The following PI15 variants were observed in gnomAD, a reference collection of about 807,000 sequenced individuals.
PI15 encodes the protein 25 kDa trypsin inhibitor.
A neutral mutation model predicts 31.0 loss-of-function variants in PI15; 18 were observed. The observed-to-expected ratio is 0.58, with a 90% CI of 0.40 to 0.86. The LOEUF is 0.86. Ranked by LOEUF, PI15 falls within the 40% of genes least tolerant of loss-of-function variation. PI15 has a pLI of 0.00. For synonymous variants in PI15, 118 were observed against 119.1 expected, an observed-to-expected ratio of 0.99 and a Z score of 0.06; for missense variants, 282 against 328.1, an observed-to-expected ratio of 0.86 and a Z score of 1.09.
chr8:74,830,708 C>CT (rs1304933576), intron 2 of PI15, among the ~76,000 whole-genome samples: 10 of 152,002 alleles, frequency 6.6e-5, no homozygotes, highest in South Asian at 2.1e-4. Context: ...ATGTATATAT[C>CT]TTTTTTTTAA....
In PI15 at chr8:74,853,345, T is replaced by C. The variant is rs1347239; in HGVS notation, c.*4092T>C. The C allele has an allele frequency of 0.43, 66,027 of 152,320 alleles. 15,137 individuals are homozygous for C. The highest frequency in any genetic ancestry group is 0.56 in the African/African-American group (23,189 of 41,430). The allele number at this position is 152,320 out of a possible 1,614,324, so 9.4% of individuals were successfully genotyped here. On this transcript the variant is annotated 3_prime_UTR_variant, in exon 6 of 6. Transcript: ENST00000260113. ...ATTGCTAAATTTAGTGTTATCCATTTGATTCCTGATTCAGAAATATCAATA... is the reference window on the plus strand; with the variant it reads ...ATTGCTAAATTTAGTGTTATCCATTCGATTCCTGATTCAGAAATATCAATA...
intron 2 of PI15, among the ~76,000 whole-genome samples, chr8:74,830,808 T>G (rs559843516): frequency 1.3e-5 from 2 of 152,246 alleles, no homozygotes; most frequent in South Asian, 2.1e-4. Context: ...AATTTTAATG[T>G]GTATAATGTA....
Position 74,849,170 on chromosome 8 carries a change from T to C in PI15, c.694T>C (p.Cys232Arg), listed in dbSNP as rs1273220528. 1 of 1,612,454 alleles carries C rather than the reference T, an allele frequency of 6.2e-7. No individual in the cohort carries two copies. The highest frequency in any genetic ancestry group is 1.1e-5 in the South Asian group (1 of 91,044). The change falls in exon 6 of 6, where the codon TGT becomes CGT. Residue 232 changes from cysteine to arginine, a missense_variant. Transcript: ENST00000260113. Reference protein sequence around the residue: ...PYKVGVPCSSCPPSYGGSCTD... With the variant: ...PYKVGVPCSSRPPSYGGSCTD... ...TAAAGTAGGGGTACCATGTTCATCT[T>C]GTCCTCCAAGTTATGGGGGATCTTG...
At position 74,824,577 on chromosome 8, in the gene PI15, T is replaced by C. The variant is rs963359998; in HGVS notation, c.-139T>C. 8.5e-5 allele frequency: 13 copies of C among 152,188 alleles called. No homozygotes were observed. Among genetic ancestry groups the C allele is most frequent in the African/African-American group, 2.9e-4 (12 of 41,456 alleles). The allele number at this position is 152,188 out of a possible 1,614,324, so 9.4% of individuals were successfully genotyped here. ...CAGAGCTTTGCTCTCAGAGAGTTTGTAAAAAGACACACTCCTCTTACAAGA... is the reference window on the plus strand; with the variant it reads ...CAGAGCTTTGCTCTCAGAGAGTTTGCAAAAAGACACACTCCTCTTACAAGA... On this transcript the variant is annotated 5_prime_UTR_variant, in exon 1 of 6. Transcript: ENST00000260113.
intron 3 of PI15, among the ~76,000 whole-genome samples, chr8:74,844,469 G>A (rs908969108): frequency 2.1e-5 from 3 of 140,350 alleles, no homozygotes; most frequent in Non-Finnish European, 4.7e-5. Flanking sequence ...GTGTGTGTGT[G>A]TATGCATATG....
intron 2 of PI15, among the ~76,000 whole-genome samples, chr8:74,840,342 T>C (rs1282805893): frequency 1.3e-5 from 2 of 152,198 alleles, no homozygotes; most frequent in Non-Finnish European, 2.9e-5. Context: ...TCTATCAAAC[T>C]CTATATTTGT....
intron 2 of PI15, among the ~76,000 whole-genome samples, chr8:74,826,001 T>G (rs143022098): frequency 8.5e-5 from 13 of 152,258 alleles, no homozygotes; most frequent in Admixed American, 3.9e-4. Context: ...TTTCCCTTTT[T>G]TGGACAAAGT....
Position 74,849,438 on chromosome 8 carries a change from C to T in PI15, c.*185C>T, listed in dbSNP as rs1456865476. ...GTTTAATCCTTTGAAATATTTGAAA[C>T]ATCAATTTCTATTTTCTGACCTCTA... On this transcript the variant is annotated 3_prime_UTR_variant, in exon 6 of 6. Coordinates refer to ENST00000260113, the MANE Select transcript of PI15 (RefSeq NM_015886.5). 1.3e-5 allele frequency: 6 copies of T among 466,792 alleles called. No homozygotes were observed. Among genetic ancestry groups the T allele is most frequent in the Non-Finnish European group, 2.2e-5 (6 of 268,844 alleles). 28.9% of individuals were successfully genotyped at this position (466,792 alleles called of 1,614,324 possible).
chr8:74,827,520 C>A (rs2128763279), intron 2 of PI15, among the ~76,000 whole-genome samples: 1 of 152,258 alleles, frequency 6.6e-6, no homozygotes, highest in East Asian at 1.9e-4. Flanking sequence ...GTGAGGTTAA[C>A]ATTGTGATCT....
At chr8:74,834,787 T>C (rs151161506) in intron 2 of PI15, among the ~76,000 whole-genome samples, 1 of 152,274 alleles carries the variant, frequency 6.6e-6, no homozygotes, top group East Asian at 1.9e-4. Context: ...GACCATGAGA[T>C]GCCTAGAATT....
chr8:74,837,778 T>C (rs889261408), intron 2 of PI15, among the ~76,000 whole-genome samples: 3 of 152,188 alleles, frequency 2.0e-5, no homozygotes, highest in Admixed American at 6.5e-5. Context: ...CAAAAGGACA[T>C]GCCACACAGT....
intron 2 of PI15, among the ~76,000 whole-genome samples, chr8:74,832,073 C>T (rs945134104): frequency 1.3e-5 from 2 of 152,044 alleles, no homozygotes; most frequent in African/African-American, 2.4e-5. Context: ...GTCTAGGTAT[C>T]CTCAGCTACG....
chr8:74,828,101 G>A (rs1179867694), intron 2 of PI15, among the ~76,000 whole-genome samples: 2 of 152,040 alleles, frequency 1.3e-5, no homozygotes, highest in Admixed American at 6.6e-5. Flanking sequence ...GACATCTTTG[G>A]CTCCCTGGGT....
chr8:74,825,147 A>C (rs1304384968), intron 1 of PI15, 63 bp from the exon 2 acceptor site: 1,511 of 633,410 alleles, frequency 2.4e-3, no homozygotes, highest in Non-Finnish European at 3.3e-3. Context: ...ATGTCTTTGT[A>C]AATTCATACC....
chr8:74,831,654 C>T (rs1033691758), intron 2 of PI15, among the ~76,000 whole-genome samples: 4 of 152,064 alleles, frequency 2.6e-5, no homozygotes, highest in African/African-American at 9.7e-5. Context: ...GTGCTAAATG[C>T]TGAACTAGGA....
At chr8:74,836,587 C>T (rs1385798282) in intron 2 of PI15, among the ~76,000 whole-genome samples, 1 of 151,922 alleles carries the variant, frequency 6.6e-6, no homozygotes, top group Non-Finnish European at 1.5e-5. Flanking sequence ...TTGGACTGAG[C>T]CCTGGGAACT....
chr8:74,827,068 A>G (rs1221676043), intron 2 of PI15, among the ~76,000 whole-genome samples: 1 of 152,090 alleles, frequency 6.6e-6, no homozygotes, highest in Non-Finnish European at 1.5e-5. Flanking sequence ...GAAAGGCATA[A>G]TATCCCAACT....
At chr8:74,831,737 A>C (rs949758752) in intron 2 of PI15, among the ~76,000 whole-genome samples, 2 of 152,154 alleles carry the variant, frequency 1.3e-5, no homozygotes, top group Non-Finnish European at 2.9e-5. Flanking sequence ...AAGGTAGGGA[A>C]GGCTTCCAGA....
intron 2 of PI15, among the ~76,000 whole-genome samples, chr8:74,838,871 C>A (rs1470221694): frequency 6.6e-6 from 1 of 152,112 alleles, no homozygotes; most frequent in African/African-American, 2.4e-5. Context: ...GGATTTAAGA[C>A]AACATCTTCA....
Sources: gnomAD v4.1 joint callset for allele counts (sites outside exome capture counted in the v4.1 genomes callset) on GRCh38, gnomAD v4.1.1 for gene constraint, MANE v1.5 for transcripts, NCBI Gene and HGNC (gene_info 2026-07-23, HGNC 2026-07-21) for gene names.